Variants in NOVA2 observed in about 807,000 individuals in gnomAD.
NOVA2 encodes NOVA alternative splicing regulator 2.
NOVA2 carries 9 observed loss-of-function variants against 22.5 expected under a neutral mutation model. That is an observed-to-expected ratio of 0.40 (90% CI 0.24 to 0.70). NOVA2 has a LOEUF of 0.70. NOVA2 is among the 30% of genes least tolerant of loss of function. The pLI, the probability that NOVA2 is intolerant of heterozygous loss-of-function variation, is 0.38. For missense variants in NOVA2, 383 were observed against 682.8 expected (o/e 0.56, Z 4.89); for synonymous variants, 318 against 335.2 (o/e 0.95, Z 0.56).
chr19:45,954,857 T>G lies in NOVA2; in HGVS notation c.230-911A>C, dbSNP rs1967980587. ...GTGTGTCTGCGAGGCTGGTGAGTGG[T>G]GTGTGTGTGTGTGTGTGTGTGTGTG... is the stretch of plus-strand genomic sequence containing the variant. On this transcript the variant is annotated intron_variant, in intron 2 of 3. Coordinates refer to ENST00000263257, the MANE Select transcript of NOVA2 (RefSeq NM_002516.4). Among the ~76,000 whole-genome samples, 4 of 33,616 alleles carry G rather than the reference T, an allele frequency of 1.2e-4. No individual in the cohort carries two copies. The South Asian group carries it at 2.6e-3, about 22-fold the overall frequency. The allele number at this position is 33,616 out of a possible 152,430, so 22.1% of individuals were successfully genotyped here. A position where few individuals can be genotyped will look rare whatever the true frequency, so the allele number is the denominator to read the frequency against.
Position 45,940,126 on chromosome 19 carries a change from T to C in NOVA2, c.1216A>G (p.Lys406Glu). ...TAEKLAAESA[K>E]ELVEIAVPEN... The stretch of plus-strand genomic sequence containing the variant: ...GGCACCGCAATCTCCACCAGCTCCT[T>C]GGCACTCTCAGCCGCCAGCTTCTCC... Residue 406 changes from lysine to glutamate, a missense_variant, in exon 4 of 4, where the codon AAG (lysine) becomes GAG (glutamate). This residue lies in a region of NOVA2 where 349 missense variants were observed against 578.1 expected (regional missense o/e 0.60). Coordinates refer to ENST00000263257, the MANE Select transcript of NOVA2 (RefSeq NM_002516.4). 2 of 1,612,152 alleles carry C rather than the reference T, an allele frequency of 1.2e-6. No homozygotes were observed. The highest frequency in any genetic ancestry group is 1.7e-6 in the Non-Finnish European group (2 of 1,179,732).
At position 45,953,908 on chromosome 19, in the gene NOVA2, C is replaced by T; in HGVS notation, c.268G>A (p.Glu90Lys). 1.2e-6 allele frequency: 2 copies of T among 1,614,188 alleles called. No homozygotes were observed. Among genetic ancestry groups the T allele is most frequent in the South Asian group, 1.1e-5 (1 of 91,084 alleles). ...AAGCTGTGCACAGCATTCAAGGCCT[C>T]TGCCGTGCCCTGTACTAGGCATACC... ...ERVCLVQGTAEALNAVHSFIA... is the reference protein window; with the variant it reads ...ERVCLVQGTAKALNAVHSFIA... Residue 90 changes from glutamate (E) to lysine (K), a missense_variant, in exon 3 of 4, where the codon GAG (glutamate) becomes AAG (lysine). Transcript: ENST00000263257.
At chr19:45,955,039 G>A (rs77290868) in intron 2 of NOVA2, among the ~76,000 whole-genome samples, 2,152 of 152,184 alleles carry the variant, frequency 0.014, 25 homozygotes, top group Non-Finnish European at 0.02. Flanking sequence ...CTTTGGTGTC[G>A]CTTTGATGAT....
rs1305275983 is a variant in NOVA2 at position 45,937,353 on chromosome 19, G to A, written c.*2510C>T. 6.6e-6 allele frequency: 1 copy of A among 152,248 alleles called. No individual in the cohort carries two copies. Among genetic ancestry groups the A allele is most frequent in the Non-Finnish European group, 1.5e-5 (1 of 68,106 alleles). The allele number at this position is 152,248 out of a possible 1,614,324, so 9.4% of individuals were successfully genotyped here. ...AATGATATGCAAATGAGTTCATTCA[G>A]ATCCCACCTCCCCAGTCCCAGACCT... On this transcript the variant is annotated 3_prime_UTR_variant, in exon 4 of 4. Transcript: ENST00000263257.
At chr19:45,963,240 G>C (rs1968122076) in intron 1 of NOVA2, among the ~76,000 whole-genome samples, 1 of 151,952 alleles carries the variant, frequency 6.6e-6, no homozygotes, top group African/African-American at 2.4e-5. Flanking sequence ...TTCGCCGGGT[G>C]TGGTGGCGCG....
chr19:45,962,082 A>C (rs1968103886), intron 1 of NOVA2, among the ~76,000 whole-genome samples: 1 of 151,264 alleles, frequency 6.6e-6, no homozygotes, highest in Non-Finnish European at 1.5e-5. Context: ...GGCCTGACTT[A>C]GGTTTTAGGA....
intron 1 of NOVA2, among the ~76,000 whole-genome samples, chr19:45,971,450 G>A (rs1380615253): frequency 1.3e-5 from 2 of 152,006 alleles, no homozygotes; most frequent in African/African-American, 4.8e-5. Flanking sequence ...GCTGGGGGTG[G>A]GGGAGCAGGA....
At chr19:45,945,144 A>T (rs1216351029) in intron 3 of NOVA2, among the ~76,000 whole-genome samples, 1 of 152,004 alleles carries the variant, frequency 6.6e-6, no homozygotes, top group Admixed American at 6.6e-5. Context: ...ATCTCTACAA[A>T]AAATAAAAAT....
intron 3 of NOVA2, among the ~76,000 whole-genome samples, chr19:45,953,301 C>T (rs1430474885): frequency 6.6e-6 from 1 of 152,178 alleles, no homozygotes; most frequent in East Asian, 1.9e-4. Context: ...AGGGACCCAC[C>T]TCTTCTCTCG....
intron 1 of NOVA2, among the ~76,000 whole-genome samples, chr19:45,963,080 G>C (rs1968119264): frequency 6.6e-6 from 1 of 152,050 alleles, no homozygotes; most frequent in South Asian, 2.1e-4. Context: ...CTCAGTATAA[G>C]AAGACCCTTT....
intron 3 of NOVA2, among the ~76,000 whole-genome samples, chr19:45,944,524 C>T (rs1200674443): frequency 6.6e-6 from 1 of 152,146 alleles, no homozygotes; most frequent in Non-Finnish European, 1.5e-5. Context: ...AATCACCTTC[C>T]TTTTATTTCT....
chr19:45,972,124 G>GCC (rs1968240218), intron 1 of NOVA2, among the ~76,000 whole-genome samples: 2 of 151,716 alleles, frequency 1.3e-5, no homozygotes, highest in South Asian at 4.1e-4. Flanking sequence ...CATACACACA[G>GCC]CTGGGTGTCA....
rs1185632469 is a variant in NOVA2 at position 45,935,832 on chromosome 19, G to C, written c.*4031C>G. The C allele has an allele frequency of 2.6e-5, 4 of 152,224 alleles. No homozygotes were observed. Among genetic ancestry groups the C allele is most frequent in the African/African-American group, 9.7e-5 (4 of 41,440 alleles). 9.4% of individuals were successfully genotyped at this position (152,224 alleles called of 1,614,324 possible). A position where few individuals can be genotyped will look rare whatever the true frequency, so the allele number is the denominator to read the frequency against. On this transcript the variant is annotated 3_prime_UTR_variant, in exon 4 of 4. Coordinates refer to ENST00000263257, the MANE Select transcript of NOVA2 (RefSeq NM_002516.4). ...ATGAGGGGATATTGAAGGATTTGGT[G>C]GTCCAGAGGGGAGAGGAAATACACC... is the stretch of plus-strand genomic sequence containing the variant.
At position 45,939,189 on chromosome 19, in the gene NOVA2, C is replaced by A. The variant is rs942649280; in HGVS notation, c.*674G>T. On this transcript the variant is annotated 3_prime_UTR_variant, in exon 4 of 4. Transcript: ENST00000263257. ...CCCAGCAGCACTGTCCCTGCCCCCC[C>A]ATACAACCTGACAACAAAAGAGTGA... 6.6e-6 allele frequency: 1 copy of A among 152,400 alleles called. No homozygotes were observed. The highest frequency in any genetic ancestry group is 6.5e-5 in the Admixed American group (1 of 15,292). 9.4% of individuals were successfully genotyped at this position (152,400 alleles called of 1,614,324 possible). A position where few individuals can be genotyped will look rare whatever the true frequency, so the allele number is the denominator to read the frequency against.
chr19:45,970,925 C>A (rs1444817966), intron 1 of NOVA2, among the ~76,000 whole-genome samples: 1 of 152,094 alleles, frequency 6.6e-6, no homozygotes, highest in Non-Finnish European at 1.5e-5. Flanking sequence ...GGGAGACAGT[C>A]TGGAGGAGAT....
chr19:45,956,224 G>T (rs1968003968), intron 2 of NOVA2, among the ~76,000 whole-genome samples: 1 of 152,144 alleles, frequency 6.6e-6, no homozygotes, highest in Non-Finnish European at 1.5e-5. Context: ...AAATAGGAAA[G>T]GGTGTGGGTT....
chr19:45,960,437 A>G (rs961096622), intron 2 of NOVA2, among the ~76,000 whole-genome samples: 5 of 151,626 alleles, frequency 3.3e-5, no homozygotes, highest in African/African-American at 4.9e-5. Flanking sequence ...AGAGGACAAG[A>G]GATGGGGGGT....
In NOVA2 at chr19:45,936,588, T is replaced by C. The variant is rs535918586; in HGVS notation, c.*3275A>G. ...TTTTTTTTTTTTTTAAATGGGGAAA[T>C]TGGGGAGAGAGAGTTGAGACATTTG... On this transcript the variant is annotated 3_prime_UTR_variant, in exon 4 of 4. Transcript: ENST00000263257. 6.1e-5 allele frequency: 9 copies of C among 147,586 alleles called. No homozygotes were observed. Among genetic ancestry groups the C allele is most frequent in the Non-Finnish European group, 8.9e-5 (6 of 67,092 alleles). 9.1% of individuals were successfully genotyped at this position (147,586 alleles called of 1,614,324 possible).
At chr19:45,964,072 G>A (rs774191543) in intron 1 of NOVA2, among the ~76,000 whole-genome samples, 1 of 152,086 alleles carries the variant, frequency 6.6e-6, no homozygotes, top group Non-Finnish European at 1.5e-5. Flanking sequence ...AAGAAAGGGA[G>A]GAGTTAGGCC....
Sources: allele counts gnomAD v4.1 joint callset (sites outside exome capture counted in the v4.1 genomes callset), GRCh38; gene constraint gnomAD v4.1.1; regional missense constraint gnomAD v4.1.1; transcripts MANE v1.5; gene names NCBI Gene and HGNC (gene_info 2026-07-23, HGNC 2026-07-21).